TSPAN18: variants seen among roughly 807,000 people sequenced by gnomAD.
TSPAN18 encodes the protein tetraspanin-18.
In TSPAN18, 14 loss-of-function variants were observed where a neutral mutation model predicts 27.3. The ratio of observed to expected loss-of-function variants is 0.51; its 90% confidence interval spans 0.34 to 0.80. The LOEUF is 0.80. TSPAN18 is among the 30% of genes least tolerant of loss of function. TSPAN18 has a pLI of 0.01. For missense variants in TSPAN18, 268 were observed against 323.9 expected (o/e 0.83, Z 1.32); for synonymous variants, 143 against 136.5 (o/e 1.05, Z -0.33).
chr11:44,783,598 C>A (rs1408089939), intron 2 of TSPAN18, among the ~76,000 whole-genome samples: 1 of 152,084 alleles, frequency 6.6e-6, no homozygotes, highest in Non-Finnish European at 1.5e-5. Context: ...GGGGTTTCAC[C>A]ATGTTGGCCA....
intron 1 of TSPAN18, among the ~76,000 whole-genome samples, chr11:44,753,692 C>G (rs896268525): frequency 2.6e-5 from 4 of 152,298 alleles, no homozygotes; most frequent in African/African-American, 9.6e-5. Flanking sequence ...ACATAGTGAT[C>G]GACTTCAGTG....
intron 2 of TSPAN18, among the ~76,000 whole-genome samples, chr11:44,810,078 A>G (rs1287267163): frequency 6.6e-6 from 1 of 152,132 alleles, no homozygotes; most frequent in Non-Finnish European, 1.5e-5. Flanking sequence ...GTTTGCCTTC[A>G]TATCATTGGG....
chr11:44,919,863 C>G lies in TSPAN18; in HGVS notation c.479C>G (p.Ser160Cys). 4.3e-6 allele frequency: 7 copies of G among 1,614,232 alleles called. No homozygotes were observed. The highest frequency in any genetic ancestry group is 5.9e-6 in the Non-Finnish European group (7 of 1,180,048). ...GGGCCTGAAGACTTTAAGTTTGCAT[C>G]TGTGTTTCGACTCCTGACCCTGGAT... is the stretch of plus-strand genomic sequence containing the variant. ...VNGPEDFKFA[S>C]VFRLLTLDSE... Residue 160 changes from serine (S) to cysteine (C), a missense_variant, in exon 8 of 10, where the codon TCT becomes TGT. By Grantham distance (112) the Ser-to-Cys change is moderately radical. Coordinates refer to ENST00000520358, the MANE Select transcript of TSPAN18 (RefSeq NM_130783.5).
At chr11:44,812,787 G>T (rs1590515294) in intron 2 of TSPAN18, among the ~76,000 whole-genome samples, 1 of 152,208 alleles carries the variant, frequency 6.6e-6, no homozygotes. Flanking sequence ...GGGAGAGGGG[G>T]TGCCACGGGC....
chr11:44,820,740 G>C (rs569209905), intron 2 of TSPAN18, among the ~76,000 whole-genome samples: 1 of 152,100 alleles, frequency 6.6e-6, no homozygotes, highest in South Asian at 2.1e-4. Context: ...TGGCTCATGG[G>C]GGTGGATCCT....
intron 2 of TSPAN18, among the ~76,000 whole-genome samples, chr11:44,832,372 A>T (rs1361554468): frequency 3.9e-5 from 6 of 152,180 alleles, no homozygotes; most frequent in Non-Finnish European, 8.8e-5. Context: ...GCTCCACTTG[A>T]TGGAGAGTAA....
Position 44,783,437 on chromosome 11 carries a change from C to T in TSPAN18, c.-153+18925C>T, listed in dbSNP as rs867696161. 1.2e-4 allele frequency among the ~76,000 whole-genome samples: 18 copies of T among 151,222 alleles called. 1 individual carries two copies. In the Middle Eastern group the frequency reaches 0.02, roughly 171 times the overall value. ...TTAGTGAGACGGAGTCTCGCTCTGT[C>T]GCCCAGGCTGGAGTGCAGTGGTGTG... On this transcript the variant is annotated intron_variant, in intron 2 of 9. Coordinates refer to ENST00000520358, the MANE Select transcript of TSPAN18 (RefSeq NM_130783.5).
intron 3 of TSPAN18, among the ~76,000 whole-genome samples, chr11:44,873,846 C>T (rs920240785): frequency 6.6e-6 from 1 of 152,196 alleles, no homozygotes; most frequent in African/African-American, 2.4e-5. Flanking sequence ...GAGCTGTTAT[C>T]TGTGAAGGGA....
rs74910841 is a variant in TSPAN18, at chr11:44,920,087, G to T, written c.615+88G>T. 10,370 of 1,331,804 alleles carry T rather than the reference G, an allele frequency of 7.8e-3. 285 individuals are homozygous for T. Among genetic ancestry groups the T allele is most frequent in the African/African-American group, 0.074 (5,007 of 68,082 alleles). The allele number at this position is 1,331,804 out of a possible 1,614,324, so 82.5% of individuals were successfully genotyped here. A position where few individuals can be genotyped will look rare whatever the true frequency, so the allele number is the denominator to read the frequency against. ...GTGGGAGGCGCTATCACCCCAGAGG[G>T]TCTGAAGCTACCCCAGGAATCCCAG... On this transcript the variant is annotated intron_variant, in intron 8 of 9. Coordinates refer to ENST00000520358, the MANE Select transcript of TSPAN18 (RefSeq NM_130783.5).
intron 2 of TSPAN18, among the ~76,000 whole-genome samples, chr11:44,775,118 G>GGGTC (rs1855774610): frequency 6.6e-6 from 1 of 152,162 alleles, no homozygotes; most frequent in Non-Finnish European, 1.5e-5. Flanking sequence ...CTCCTGGGAG[G>GGGTC]GGTCGCCAGG....
At chr11:44,741,147 T>C (rs1447433558) in intron 1 of TSPAN18, among the ~76,000 whole-genome samples, 1 of 152,144 alleles carries the variant, frequency 6.6e-6, no homozygotes, top group Non-Finnish European at 1.5e-5. Flanking sequence ...GGCGTGGTTG[T>C]TGATGGAAAT....
intron 2 of TSPAN18, among the ~76,000 whole-genome samples, chr11:44,786,425 AG>A (rs1856058334): frequency 6.6e-6 from 1 of 152,074 alleles, no homozygotes; most frequent in Admixed American, 6.6e-5. Flanking sequence ...GGGCTTTGAA[AG>A]CTGGCGTTGG....
chr11:44,887,425 G>A (rs1231226452), intron 3 of TSPAN18, among the ~76,000 whole-genome samples: 1 of 152,218 alleles, frequency 6.6e-6, no homozygotes, highest in Non-Finnish European at 1.5e-5. Context: ...GTATAGCCTT[G>A]GGGGAGTCAC....
chr11:44,811,645 AG>A (rs1222281050), intron 2 of TSPAN18, among the ~76,000 whole-genome samples: 6 of 151,906 alleles, frequency 3.9e-5, no homozygotes, highest in Non-Finnish European at 8.8e-5. Context: ...TATTTTTGAT[AG>A]AGATAGGGTT....
intron 1 of TSPAN18, among the ~76,000 whole-genome samples, chr11:44,735,650 G>T (rs539981725): frequency 1.4e-5 from 2 of 147,260 alleles, no homozygotes; most frequent in East Asian, 4.0e-4. Flanking sequence ...GCGGAGTCTC[G>T]CTCTGTCACC....
intron 2 of TSPAN18, among the ~76,000 whole-genome samples, chr11:44,818,564 C>T (rs542776942): frequency 1.3e-5 from 2 of 152,260 alleles, no homozygotes; most frequent in South Asian, 4.1e-4. Flanking sequence ...CTCCTGTGTG[C>T]CCACTTCACT....
intron 2 of TSPAN18, among the ~76,000 whole-genome samples, chr11:44,780,899 G>A (rs1590456762): frequency 6.6e-6 from 1 of 152,232 alleles, no homozygotes. Flanking sequence ...TAAGGCTAGG[G>A]TGGGGACCCT....
intron 2 of TSPAN18, among the ~76,000 whole-genome samples, chr11:44,777,613 G>T (rs1439123808): frequency 2.0e-5 from 3 of 152,184 alleles, no homozygotes; most frequent in Non-Finnish European, 4.4e-5. Context: ...GTCTTTAATG[G>T]GAAGGCTGAG....
chr11:44,911,798 C>A (rs1447952055), intron 5 of TSPAN18, among the ~76,000 whole-genome samples: 1 of 152,056 alleles, frequency 6.6e-6, no homozygotes, highest in Non-Finnish European at 1.5e-5. Flanking sequence ...GGACGTCCTC[C>A]CTCCCGTGCT....
Sources: allele counts gnomAD v4.1 joint callset (sites outside exome capture counted in the v4.1 genomes callset), GRCh38; gene constraint gnomAD v4.1.1; transcripts MANE v1.5; gene names NCBI Gene and HGNC (gene_info 2026-07-23, HGNC 2026-07-21).